ARHGAP20: variants seen among roughly 807,000 people sequenced by gnomAD.
ARHGAP20 encodes rho GTPase-activating protein 20.
In ARHGAP20, 34 loss-of-function variants were observed where a neutral mutation model predicts 73.7. That is an observed-to-expected ratio of 0.46 (90% CI 0.35 to 0.61). The LOEUF (loss-of-function observed/expected upper bound fraction) is 0.61, where lower values mean the gene tolerates loss of function less well. ARHGAP20 is among the 20% of genes least tolerant of loss of function. The pLI, the probability that ARHGAP20 is intolerant of heterozygous loss-of-function variation, is 0.00. For missense variants in ARHGAP20, 1,314 were observed against 1,420.9 expected (o/e 0.92, Z 1.21); for synonymous variants, 523 against 518.2 (o/e 1.01, Z -0.13).
intron 2 of ARHGAP20, among the ~76,000 whole-genome samples, chr11:110,648,773 G>A (rs1949284622): frequency 6.6e-6 from 1 of 151,950 alleles, no homozygotes. Flanking sequence ...ATGAGCCACC[G>A]CACCCAGCCC....
chr11:110,674,526 C>A (rs772441554), intron 2 of ARHGAP20, among the ~76,000 whole-genome samples: 8 of 151,912 alleles, frequency 5.3e-5, no homozygotes, highest in Non-Finnish European at 8.8e-5. Context: ...TCTTTATGTG[C>A]AAAATTATTT....
chr11:110,706,971 T>C (rs1311087342), intron 1 of ARHGAP20, among the ~76,000 whole-genome samples: 1 of 152,098 alleles, frequency 6.6e-6, no homozygotes, highest in Non-Finnish European at 1.5e-5. Context: ...CTCACTAAGA[T>C]GTTTAATTCA....
chr11:110,608,094 AG>A (rs1197056543), intron 8 of ARHGAP20, among the ~76,000 whole-genome samples: 1 of 152,184 alleles, frequency 6.6e-6, no homozygotes, highest in African/African-American at 2.4e-5. Flanking sequence ...TAGATTACTA[AG>A]GTCACTTGAA....
intron 1 of ARHGAP20, among the ~76,000 whole-genome samples, chr11:110,694,733 C>T (rs754267282): frequency 6.6e-6 from 1 of 151,498 alleles, no homozygotes; most frequent in Non-Finnish European, 1.5e-5. Flanking sequence ...CCCAAATTTT[C>T]TCCCTTCCTT....
intron 9 of ARHGAP20, among the ~76,000 whole-genome samples, chr11:110,597,891 T>C (rs1337720225): frequency 6.6e-6 from 1 of 152,230 alleles, no homozygotes; most frequent in East Asian, 1.9e-4. Context: ...AATGCACACA[T>C]CTTACTTTCT....
intron 1 of ARHGAP20, among the ~76,000 whole-genome samples, chr11:110,695,645 A>C (rs1950321546): frequency 6.6e-6 from 1 of 151,506 alleles, no homozygotes; most frequent in Non-Finnish European, 1.5e-5. Context: ...CATCACACAC[A>C]TTAGGACGAC....
chr11:110,674,734 T>C (rs11213527), intron 2 of ARHGAP20, among the ~76,000 whole-genome samples: 38,193 of 151,946 alleles, frequency 0.25, 4,914 homozygotes, highest in Middle Eastern at 0.32. Flanking sequence ...ACCCTTATTA[T>C]CAATACTAAT....
At chr11:110,601,829 C>A (rs745859806) in intron 9 of ARHGAP20, among the ~76,000 whole-genome samples, 10 of 151,804 alleles carry the variant, frequency 6.6e-5, no homozygotes, top group African/African-American at 2.4e-4. Context: ...ACTAAAAATA[C>A]AAAAAATACT....
intron 2 of ARHGAP20, among the ~76,000 whole-genome samples, chr11:110,680,684 A>G (rs1050706037): frequency 6.6e-6 from 1 of 152,152 alleles, no homozygotes; most frequent in African/African-American, 2.4e-5. Context: ...AATTAATTTG[A>G]CCCCATCAAA....
chr11:110,606,873 G>C, intron 8 of ARHGAP20, 124 bp from the exon 9 acceptor site: 2 of 830,798 alleles, frequency 2.4e-6, no homozygotes, highest in Non-Finnish European at 3.5e-6. Flanking sequence ...CCCTTTGTTT[G>C]ACAGAATGAT....
rs138753394 is a variant in ARHGAP20 at position 110,667,054 on chromosome 11, A to G, written c.188+23493T>C. ...AGGAAAGAAGCTAACTCCATAACAT[A>G]AAAGTACAAGGTGAAGCACTACATG... is the stretch of plus-strand genomic sequence containing the variant. On this transcript the variant is annotated intron_variant, in intron 2 of 14. Transcript: ENST00000683387. Among the ~76,000 whole-genome samples the G allele has an allele frequency of 1.4e-3, 207 of 152,368 alleles. 1 individual carries two copies. The highest frequency in any genetic ancestry group is 4.7e-3 in the African/African-American group (197 of 41,588).
intron 2 of ARHGAP20, among the ~76,000 whole-genome samples, chr11:110,650,660 G>A (rs1949329804): frequency 1.3e-5 from 2 of 152,054 alleles, no homozygotes; most frequent in Admixed American, 1.3e-4. Flanking sequence ...AAAGGAAGAG[G>A]GGAGAATTCA....
intron 4 of ARHGAP20, among the ~76,000 whole-genome samples, chr11:110,618,187 T>C (rs988203754): frequency 3.3e-5 from 5 of 152,000 alleles, no homozygotes; most frequent in Non-Finnish European, 7.4e-5. Context: ...GTGACCACAA[T>C]AGACTAAAGT....
rs138004261 is a variant in ARHGAP20, at chr11:110,603,814, T to C, written c.964+2747A>G. 3.1e-3 allele frequency among the ~76,000 whole-genome samples: 469 copies of C among 152,300 alleles called. 5 individuals carry two copies. The highest frequency in any genetic ancestry group is 6.8e-4 in the Non-Finnish European group (46 of 67,994). On this transcript the variant is annotated intron_variant, in intron 9 of 14. Coordinates refer to ENST00000683387, the MANE Select transcript of ARHGAP20 (RefSeq NM_001384657.1). ...AGACATATGCTCAACTGAAATTAGA[T>C]GCTTGTAGGATGATATCAGTATTTG...
chr11:110,691,606 T>C (rs891726481), intron 1 of ARHGAP20, among the ~76,000 whole-genome samples: 24 of 152,192 alleles, frequency 1.6e-4, no homozygotes, highest in African/African-American at 5.1e-4. Flanking sequence ...GAATTGCTTG[T>C]AGTTTTTAAA....
chr11:110,711,591 G>C (rs1377226151), intron 1 of ARHGAP20: 2 of 1,478,488 alleles, frequency 1.4e-6, no homozygotes, highest in Non-Finnish European at 1.8e-6. Flanking sequence ...AACTGCTATG[G>C]AGCAGCCGCG....
chr11:110,689,733 C>T (rs527951300), intron 2 of ARHGAP20, among the ~76,000 whole-genome samples: 2 of 151,972 alleles, frequency 1.3e-5, no homozygotes, highest in South Asian at 4.2e-4. Context: ...TTGGTCACAG[C>T]TGGCACCGGG....
At chr11:110,693,778 T>C (rs1174316090) in intron 1 of ARHGAP20, among the ~76,000 whole-genome samples, 1 of 151,884 alleles carries the variant, frequency 6.6e-6, no homozygotes, top group Non-Finnish European at 1.5e-5. Flanking sequence ...CTTTTACAGG[T>C]GTATAATAGT....
intron 6 of ARHGAP20, 141 bp downstream of exon 6, chr11:110,614,420 C>T: frequency 3.0e-6 from 2 of 658,550 alleles, no homozygotes; most frequent in South Asian, 2.0e-5. Flanking sequence ...GCATTTTCCC[C>T]CTGTGGTATT....
Sources: gnomAD v4.1 joint callset for allele counts (sites outside exome capture counted in the v4.1 genomes callset) on GRCh38, gnomAD v4.1.1 for gene constraint, MANE v1.5 for transcripts, NCBI Gene and HGNC (gene_info 2026-07-23, HGNC 2026-07-21) for gene names.